The following DTNB variants were observed in gnomAD, a reference collection of about 807,000 sequenced individuals.
DTNB encodes dystrobrevin beta.
Under a neutral mutation model 90.7 loss-of-function variants are expected in DTNB, and 63 were observed. The ratio of observed to expected loss-of-function variants is 0.69; its 90% CI spans 0.57 to 0.86. The LOEUF (loss-of-function observed/expected upper bound fraction) is 0.86. DTNB is among the 40% of genes least tolerant of loss of function. The pLI is 0.00. For missense variants in DTNB, 744 were observed against 807.1 expected (o/e 0.92, Z 0.95); for synonymous variants, 277 against 286.7 (o/e 0.97, Z 0.34).
At chr2:25,563,655 T>C (rs994671933) in intron 8 of DTNB, among the ~76,000 whole-genome samples, 2 of 142,878 alleles carry the variant, frequency 1.4e-5, no homozygotes, top group South Asian at 2.2e-4. Flanking sequence ...TCCAAATTCA[T>C]TCTTTTGCCT....
chr2:25,420,278 T>TTC (rs2049115254), intron 15 of DTNB, among the ~76,000 whole-genome samples: 2 of 148,598 alleles, frequency 1.3e-5, no homozygotes, highest in Non-Finnish European at 3.0e-5. Context: ...TTTTTTTTTT[T>TTC]TTTTTTTTTT....
rs929254986 is a variant in DTNB at position 25,560,205 on chromosome 2, T to A, written c.876+16633A>T. Among the ~76,000 whole-genome samples, 3 of 152,232 alleles carry A rather than the reference T, an allele frequency of 2.0e-5. No homozygotes were observed. In the South Asian group the frequency reaches 6.2e-4, roughly 32 times the overall value. On this transcript the variant is annotated intron_variant, in intron 8 of 20. Coordinates refer to ENST00000406818, the MANE Select transcript of DTNB (RefSeq NM_021907.5). ...TTGCGGTGAGCTGAGATTGTGCCTC[T>A]GCACTCCAGCCTGGGTGACAAAGTG...
intron 8 of DTNB, among the ~76,000 whole-genome samples, chr2:25,560,922 A>G (rs2058166635): frequency 1.3e-5 from 2 of 152,062 alleles, no homozygotes; most frequent in South Asian, 4.2e-4. Flanking sequence ...CTGTTAATAC[A>G]TATGTCCTCT....
intron 5 of DTNB, among the ~76,000 whole-genome samples, chr2:25,603,198 T>C (rs2066281918): frequency 6.6e-6 from 1 of 152,168 alleles, no homozygotes; most frequent in Non-Finnish European, 1.5e-5. Flanking sequence ...CGAAAACAAA[T>C]AGCAGAATTA....
At chr2:25,419,374 T>C (rs912331540) in intron 16 of DTNB, 141 bp downstream of exon 16, 6 of 1,320,586 alleles carry the variant, frequency 4.5e-6, no homozygotes, top group African/African-American at 2.9e-5. Context: ...TACAACACCA[T>C]GGGGAGAACC....
intron 3 of DTNB, among the ~76,000 whole-genome samples, chr2:25,630,399 T>C (rs2075398625): frequency 6.6e-6 from 1 of 152,208 alleles, no homozygotes; most frequent in Non-Finnish European, 1.5e-5. Flanking sequence ...TGAAAACATA[T>C]GTCTACACAA....
At chr2:25,614,963 TC>T (rs1480020976) in intron 4 of DTNB, among the ~76,000 whole-genome samples, 3 of 152,100 alleles carry the variant, frequency 2.0e-5, no homozygotes, top group African/African-American at 7.2e-5. Context: ...GAGGGCTCAT[TC>T]CCGCAAGACT....
At chr2:25,399,078 ATCTC>A (rs1202523376) in intron 16 of DTNB, among the ~76,000 whole-genome samples, 3 of 152,044 alleles carry the variant, frequency 2.0e-5, no homozygotes, top group South Asian at 4.1e-4. Flanking sequence ...TTGAGACGGA[ATCTC>A]TCTGTCACCA....
At position 25,387,356 on chromosome 2, in the gene DTNB, A is replaced by G; in HGVS notation, c.1758T>C (p.Asn586=). ...TGGAGTCAGCTGCCACCAGCAGGTC[A>G]TTGCGGAGGTTTCTCCTCGTACCTG... ...FAQGTRRNLR[N]DLLVAADSIT... is the part of the protein sequence containing the mutation. Residue 586 remains asparagine, a synonymous_variant, in exon 18 of 21, where the codon AAT becomes AAC. Coordinates refer to ENST00000406818, the MANE Select transcript of DTNB (RefSeq NM_021907.5). The surrounding 1 kb of genome is among the most constrained non-coding windows in gnomAD (Gnocchi z 4.5). The G allele has an allele frequency of 6.2e-7, 1 of 1,612,386 alleles. No homozygotes were observed.
chr2:25,652,551 A>AAC, intron 2 of DTNB, 43 bp downstream of exon 2: 2 of 1,475,970 alleles, frequency 1.4e-6, no homozygotes, highest in Admixed American at 4.4e-5. Context: ...AAAAAAAACC[A>AAC]CACAAACATT....
At chr2:25,653,503 C>A (rs1316702957) in intron 1 of DTNB, among the ~76,000 whole-genome samples, 1 of 116,990 alleles carries the variant, frequency 8.5e-6, no homozygotes, top group East Asian at 4.3e-4. Flanking sequence ...TTCTTTCTTT[C>A]TTTCTTTCTT....
intron 10 of DTNB, among the ~76,000 whole-genome samples, chr2:25,475,844 G>A (rs915940329): frequency 4.6e-5 from 7 of 152,080 alleles, no homozygotes; most frequent in African/African-American, 7.2e-5. Context: ...AATAAAGCCC[G>A]GATGACAGCA....
At chr2:25,408,625 T>G (rs910928525) in intron 16 of DTNB, among the ~76,000 whole-genome samples, 1 of 152,104 alleles carries the variant, frequency 6.6e-6, no homozygotes, top group East Asian at 1.9e-4. Flanking sequence ...CTTCTACTTT[T>G]CTTTTTTTAA....
At chr2:25,592,408 G>C (rs1407181451) in intron 6 of DTNB, among the ~76,000 whole-genome samples, 2 of 152,060 alleles carry the variant, frequency 1.3e-5, no homozygotes, top group Non-Finnish European at 2.9e-5. Flanking sequence ...AAGAGTACTG[G>C]ATACTCCAAA....
In DTNB at chr2:25,645,096, TA is replaced by T. The variant is rs557594110; in HGVS notation, c.68-6003del. Reference sequence around the variant, plus strand: ...AATAGCAAGCAAAGAAAGTGGTAACTAAATGGCTGGGTGCAGTGGCTCATGC... The same window carrying T: ...AATAGCAAGCAAAGAAAGTGGTAACTAATGGCTGGGTGCAGTGGCTCATGC... On this transcript the variant is annotated intron_variant, in intron 2 of 20. Coordinates refer to ENST00000406818, the MANE Select transcript of DTNB (RefSeq NM_021907.5). 3.9e-5 allele frequency among the ~76,000 whole-genome samples: 6 copies of T among 152,230 alleles called. No homozygotes were observed. In the South Asian group the frequency reaches 1.2e-3, roughly 32 times the overall value.
intron 7 of DTNB, among the ~76,000 whole-genome samples, chr2:25,579,683 T>C (rs941555030): frequency 1.3e-5 from 2 of 151,880 alleles, no homozygotes; most frequent in Non-Finnish European, 2.9e-5. Flanking sequence ...CCAAGAATAG[T>C]TTCAAGGCAA....
intron 8 of DTNB, among the ~76,000 whole-genome samples, chr2:25,535,601 TAGAC>T (rs2079408839): frequency 7.6e-6 from 1 of 131,406 alleles, no homozygotes. Flanking sequence ...CCTCACTTCC[TAGAC>T]GGGGTGGCAG....
Position 25,557,015 on chromosome 2 carries a change from A to C in DTNB, c.876+19823T>G, listed in dbSNP as rs200881059. On this transcript the variant is annotated intron_variant, in intron 8 of 20. Transcript: ENST00000406818. The stretch of plus-strand genomic sequence containing the variant: ...ATGTGTTATAAGTCATCTTTGTATT[A>C]GAAGTTGCTTCTCGAATACAGACAG... 2.8e-4 allele frequency among the ~76,000 whole-genome samples: 43 copies of C among 152,358 alleles called. No individual in the cohort carries two copies. The East Asian group carries it at 6.2e-3, about 22-fold the overall frequency.
At position 25,448,513 on chromosome 2, in the gene DTNB, A is replaced by G. The variant is rs563969185; in HGVS notation, c.1257+3035T>C. 2.6e-5 allele frequency among the ~76,000 whole-genome samples: 4 copies of G among 152,326 alleles called. No homozygotes were observed. In the East Asian group the frequency reaches 5.8e-4, roughly 22 times the overall value. On this transcript the variant is annotated intron_variant, in intron 12 of 20. Transcript: ENST00000406818. ...CCTATTTCAATCAAACCCTTATTCA[A>G]CATTCTTGGTTCCTTTTTGTTTTAA...
Sources: gnomAD v4.1 joint callset for allele counts (sites outside exome capture counted in the v4.1 genomes callset) on GRCh38, gnomAD v4.1.1 for gene constraint, Gnocchi (gnomAD v3.1) non-coding constraint, MANE v1.5 for transcripts, NCBI Gene and HGNC (gene_info 2026-07-23, HGNC 2026-07-21) for gene names.